The following HERC4 variants were observed in gnomAD, a reference collection of about 807,000 sequenced individuals.
HERC4 encodes the protein probable E3 ubiquitin-protein ligase HERC4.
A neutral mutation model predicts 124.3 loss-of-function variants in HERC4; 28 were observed. The observed-to-expected ratio is 0.23, with a 90% CI of 0.17 to 0.31. HERC4 has a LOEUF of 0.31. Among genes scored for constraint, HERC4 ranks in the 10% least tolerant of loss-of-function variants. HERC4 has a pLI of 1.00. For missense variants in HERC4, 713 were observed against 1,229.3 expected (o/e 0.58, Z 6.28); for synonymous variants, 407 against 421.5 (o/e 0.97, Z 0.42).
At chr10:67,941,188 C>A in intron 19 of HERC4, 83 bp from the exon 20 acceptor site, 1 of 956,604 alleles carries the variant, frequency 1.0e-6, no homozygotes, top group South Asian at 2.2e-5. Flanking sequence ...TGCTCATATA[C>A]AATTTTGAAG....
intron 4 of HERC4, among the ~76,000 whole-genome samples, chr10:68,043,485 T>A (rs568333637): frequency 1.4e-4 from 22 of 152,340 alleles, no homozygotes; most frequent in African/African-American, 5.3e-4. Flanking sequence ...TGTATATTTT[T>A]ACCTATGTAA....
chr10:67,986,415 T>C (rs908688329), intron 15 of HERC4, among the ~76,000 whole-genome samples: 2 of 152,212 alleles, frequency 1.3e-5, no homozygotes, highest in Non-Finnish European at 2.9e-5. Context: ...TGCAGTGGTA[T>C]GATCTCAGCT....
At chr10:67,940,038 C>T (rs2032740194) in intron 20 of HERC4, among the ~76,000 whole-genome samples, 1 of 151,898 alleles carries the variant, frequency 6.6e-6, no homozygotes, top group Non-Finnish European at 1.5e-5. Flanking sequence ...AAAAGCAATT[C>T]TCCTGCCTCA....
At chr10:67,933,399 A>G (rs554567977) in intron 22 of HERC4, among the ~76,000 whole-genome samples, 1 of 152,304 alleles carries the variant, frequency 6.6e-6, no homozygotes, top group South Asian at 2.1e-4. Flanking sequence ...ACGAAACTGT[A>G]AAGAAAAAAA....
At chr10:68,058,334 T>C (rs1204507543) in intron 3 of HERC4, among the ~76,000 whole-genome samples, 2 of 152,056 alleles carry the variant, frequency 1.3e-5, no homozygotes, top group East Asian at 3.8e-4. Context: ...GGAAGACAAC[T>C]GTCTGTTGAA....
intron 8 of HERC4, among the ~76,000 whole-genome samples, chr10:68,024,983 T>G (rs1290033569): frequency 6.6e-6 from 1 of 152,214 alleles, no homozygotes; most frequent in Non-Finnish European, 1.5e-5. Flanking sequence ...AATTCTGTCT[T>G]AATTAACTGG....
chr10:68,011,596 A>G (rs144050113), intron 9 of HERC4, among the ~76,000 whole-genome samples: 50 of 152,316 alleles, frequency 3.3e-4, no homozygotes, highest in African/African-American at 1.2e-3. Context: ...CTTTTTACTG[A>G]GCGGTGGGTC....
intron 22 of HERC4, among the ~76,000 whole-genome samples, chr10:67,934,414 T>G (rs575187522): frequency 6.6e-6 from 1 of 152,326 alleles, no homozygotes. Flanking sequence ...CTCCATCCTC[T>G]TGATCTAACC....
At chr10:67,934,961 A>T (rs1399302649) in intron 22 of HERC4, among the ~76,000 whole-genome samples, 1 of 146,730 alleles carries the variant, frequency 6.8e-6, no homozygotes, top group Non-Finnish European at 1.5e-5. Flanking sequence ...ATTCTTTCAA[A>T]TGAGTTTTTT....
chr10:67,967,864 T>C lies in HERC4; in HGVS notation c.1807-1062A>G, dbSNP rs181829236. 3.3e-3 allele frequency among the ~76,000 whole-genome samples: 501 copies of C among 151,760 alleles called. 1 individual carries two copies. Among genetic ancestry groups the C allele is most frequent in the African/African-American group, 0.011 (470 of 41,324 alleles). ...CAGACAAATCCTGATTATGAAACTT[T>C]TATAAGAAAACTGGCCAAGAATCTT... On this transcript the variant is annotated intron_variant, in intron 15 of 24. Coordinates refer to ENST00000373700, the MANE Select transcript of HERC4 (RefSeq NM_015601.4).
chr10:68,010,610 G>C, intron 9 of HERC4: 1 of 1,351,754 alleles, frequency 7.4e-7, no homozygotes. Context: ...CGAGGGTTTC[G>C]GCTTTGCATA....
chr10:67,990,062 C>T (rs1216417908), intron 14 of HERC4, 149 bp downstream of exon 14: 3 of 581,426 alleles, frequency 5.2e-6, no homozygotes, highest in Non-Finnish European at 8.7e-6. Flanking sequence ...AAAGACTAGA[C>T]AAAAGCAAGA....
At chr10:67,984,008 A>C (rs926147903) in intron 15 of HERC4, among the ~76,000 whole-genome samples, 2 of 152,004 alleles carry the variant, frequency 1.3e-5, no homozygotes, top group Non-Finnish European at 2.9e-5. Context: ...ATACACAATG[A>C]AGTACTATTC....
chr10:67,995,601 T>C (rs1282570630), intron 9 of HERC4, among the ~76,000 whole-genome samples: 1 of 152,152 alleles, frequency 6.6e-6, no homozygotes, highest in East Asian at 1.9e-4. Flanking sequence ...ATGGACACTT[T>C]AGATATTCAG....
chr10:68,059,530 T>A (rs1200605269), intron 3 of HERC4, among the ~76,000 whole-genome samples: 2 of 110,840 alleles, frequency 1.8e-5, no homozygotes, highest in Non-Finnish European at 3.6e-5. Flanking sequence ...ATAATAATAT[T>A]ATATATCATA....
Position 67,992,134 on chromosome 10 carries a change from C to T in HERC4, c.1271+65G>A. The T allele has an allele frequency of 2.0e-6, 3 of 1,498,496 alleles. No homozygotes were observed. The South Asian group carries it at 3.5e-5, about 18-fold the overall frequency. The allele number at this position is 1,498,496 out of a possible 1,614,324, so 92.8% of individuals were successfully genotyped here. A position where few individuals can be genotyped will look rare whatever the true frequency, so the allele number is the denominator to read the frequency against. On this transcript the variant is annotated intron_variant, in intron 11 of 24. Coordinates refer to ENST00000373700, the MANE Select transcript of HERC4 (RefSeq NM_015601.4). ...CTGGTCTCCAATTCCTGGGCTCAGGCAATCTGCCTGGTGCTGGGATTACAG... is the reference window on the plus strand; with the variant it reads ...CTGGTCTCCAATTCCTGGGCTCAGGTAATCTGCCTGGTGCTGGGATTACAG...
intron 7 of HERC4, 74 bp from the exon 8 acceptor site, chr10:68,025,750 C>T (rs1314962989): frequency 2.0e-6 from 3 of 1,466,282 alleles, no homozygotes; most frequent in Non-Finnish European, 2.8e-6. Context: ...AAAAATAAGT[C>T]CAAATCTTTA....
intron 7 of HERC4, among the ~76,000 whole-genome samples, chr10:68,029,900 G>A (rs1467237323): frequency 1.3e-5 from 2 of 150,852 alleles, no homozygotes; most frequent in African/African-American, 2.4e-5. Flanking sequence ...CACCACGCCC[G>A]GCTAATTTTT....
chr10:68,029,973 C>A (rs1195684905), intron 7 of HERC4, among the ~76,000 whole-genome samples: 1 of 151,336 alleles, frequency 6.6e-6, no homozygotes, highest in Admixed American at 6.6e-5. Flanking sequence ...CTCCTGACCT[C>A]GTGATCTGCC....
Sources: gnomAD v4.1 joint callset for allele counts (sites outside exome capture counted in the v4.1 genomes callset) on GRCh38, gnomAD v4.1.1 for gene constraint, MANE v1.5 for transcripts, NCBI Gene and HGNC (gene_info 2026-07-23, HGNC 2026-07-21) for gene names.